LHCGR: variants seen among roughly 807,000 people sequenced by gnomAD.
The protein encoded by LHCGR is luteinizing hormone/choriogonadotropin receptor, also known as lutropin-choriogonadotropic hormone receptor.
Under a neutral mutation model 60.7 loss-of-function variants are expected in LHCGR, and 55 were observed. That is an observed-to-expected ratio of 0.91 (90% CI 0.73 to 1.13). LHCGR has a LOEUF of 1.13. Among genes scored for constraint, LHCGR ranks in the 50% most tolerant of loss-of-function variants. LHCGR has a pLI of 0.00. For missense variants in LHCGR, 862 were observed against 836.0 expected, an observed-to-expected ratio of 1.03 and a Z score of -0.38; for synonymous variants, 337 against 316.5, an observed-to-expected ratio of 1.06 and a Z score of -0.69.
At chr2:48,725,650 A>T (rs780452803) in intron 4 of LHCGR, 26 bp downstream of exon 4, 4 of 1,561,256 alleles carry the variant, frequency 2.6e-6, no homozygotes, top group Non-Finnish European at 3.5e-6. Flanking sequence ...CCCCTCCCCA[A>T]TTGCTTAAAA....
At chr2:48,700,830 T>C (rs191297169) in intron 8 of LHCGR, among the ~76,000 whole-genome samples, 109 of 152,182 alleles carry the variant, frequency 7.2e-4, no homozygotes, top group Middle Eastern at 3.4e-3. Context: ...ACAGAAGTTA[T>C]GGGGTTGAGT....
At chr2:48,708,911 A>C (rs1291069450) in intron 8 of LHCGR, 37 bp downstream of exon 8, 2 of 1,546,678 alleles carry the variant, frequency 1.3e-6, no homozygotes, top group East Asian at 4.5e-5. Context: ...GTTGGGGTAC[A>C]CTGGGCAGGG....
intron 1 of LHCGR, among the ~76,000 whole-genome samples, chr2:48,753,880 G>T (rs1670091408): frequency 1.3e-5 from 2 of 151,958 alleles, no homozygotes. Flanking sequence ...AATTTAAAAA[G>T]ATAATTAATA....
chr2:48,725,845 A>C, intron 3 of LHCGR, 95 bp from the exon 4 acceptor site: 1 of 1,042,234 alleles, frequency 9.6e-7, no homozygotes, highest in Non-Finnish European at 1.5e-6. Flanking sequence ...GCTGGCTGAA[A>C]ATGGCATCAG....
intron 6 of LHCGR, among the ~76,000 whole-genome samples, chr2:48,718,693 T>C (rs1668367924): frequency 6.6e-6 from 1 of 152,250 alleles, no homozygotes; most frequent in Admixed American, 6.5e-5. Flanking sequence ...CTTCCCTATG[T>C]GGAACTTTGC....
intron 5 of LHCGR, 24 bp downstream of exon 5, chr2:48,723,598 C>T: frequency 6.2e-7 from 1 of 1,605,806 alleles, no homozygotes. Context: ...AACTGTTATG[C>T]ATAGCAATCA....
chr2:48,728,525 G>A (rs985877418), intron 3 of LHCGR, among the ~76,000 whole-genome samples: 10 of 152,156 alleles, frequency 6.6e-5, no homozygotes, highest in Non-Finnish European at 1.5e-5. Context: ...GCACTAACTT[G>A]CGGTGTGATG....
chr2:48,716,259 C>A (rs937660405), intron 6 of LHCGR, among the ~76,000 whole-genome samples: 8 of 151,956 alleles, frequency 5.3e-5, no homozygotes, highest in Admixed American at 3.9e-4. Context: ...ACAGGCCTTT[C>A]TCAAATAACT....
chr2:48,725,343 A>C (rs1394898929), intron 4 of LHCGR, among the ~76,000 whole-genome samples: 2 of 152,116 alleles, frequency 1.3e-5, no homozygotes, highest in Non-Finnish European at 2.9e-5. Flanking sequence ...CTCTCTATTC[A>C]CTTCAGAGAT....
At chr2:48,746,844 A>G in intron 1 of LHCGR, among the ~76,000 whole-genome samples, 1 of 152,246 alleles carries the variant, frequency 6.6e-6, no homozygotes, top group Non-Finnish European at 1.5e-5. Context: ...ACTCTGGTAA[A>G]TAAAACTACA....
At chr2:48,743,726 C>T (rs2103699796) in intron 1 of LHCGR, among the ~76,000 whole-genome samples, 2 of 151,980 alleles carry the variant, frequency 1.3e-5, no homozygotes, top group South Asian at 2.1e-4. Context: ...GACAAACCCA[C>T]AGCCAATATC....
chr2:48,709,372 C>A (rs530084038), intron 7 of LHCGR, among the ~76,000 whole-genome samples: 1 of 152,170 alleles, frequency 6.6e-6, no homozygotes, highest in Non-Finnish European at 1.5e-5. Context: ...CAAGACTGAA[C>A]GGCTGAAGTG....
intron 1 of LHCGR, among the ~76,000 whole-genome samples, chr2:48,737,557 T>A (rs1223064274): frequency 1.3e-5 from 2 of 152,230 alleles, no homozygotes; most frequent in Non-Finnish European, 2.9e-5. Context: ...TCTTTTGAAA[T>A]GATTTTAAAT....
chr2:48,688,902 A>C lies in LHCGR; in HGVS notation c.948-53T>G. 3.3e-6 allele frequency: 5 copies of C among 1,523,578 alleles called. No homozygotes were observed. The highest frequency in any genetic ancestry group is 1.1e-5 in the South Asian group (1 of 88,546). 94.4% of individuals were successfully genotyped at this position (1,523,578 alleles called of 1,614,324 possible). Reference sequence around the variant, plus strand: ...AAGGGATTTTCTCTGAGTATTAAAAAATTCAAGAATTATGTTTCTTTAAAG... The same window carrying C: ...AAGGGATTTTCTCTGAGTATTAAAACATTCAAGAATTATGTTTCTTTAAAG... On this transcript the variant is annotated intron_variant, in intron 10 of 10. Transcript: ENST00000294954. This position sits in a 1 kb window ranked among gnomAD's most constrained non-coding sequence, Gnocchi z 5.2.
intron 6 of LHCGR, among the ~76,000 whole-genome samples, chr2:48,714,958 G>C (rs571125507): frequency 2.0e-3 from 303 of 152,270 alleles, no homozygotes; most frequent in Middle Eastern, 3.4e-3. Context: ...ACTAGGATAT[G>C]CTTTGTCTGG....
intron 7 of LHCGR, among the ~76,000 whole-genome samples, chr2:48,711,633 C>A (rs1667993166): frequency 6.6e-6 from 1 of 152,184 alleles, no homozygotes; most frequent in South Asian, 2.1e-4. Flanking sequence ...TTTTTCCTGA[C>A]CTCACACAGA....
At chr2:48,733,992 C>A (rs1669112813) in intron 1 of LHCGR, among the ~76,000 whole-genome samples, 1 of 152,132 alleles carries the variant, frequency 6.6e-6, no homozygotes, top group African/African-American at 2.4e-5. Flanking sequence ...ATCTTAATAA[C>A]CCTGCAATTC....
At chr2:48,704,260 GC>G (rs1667553185) in intron 8 of LHCGR, among the ~76,000 whole-genome samples, 1 of 152,176 alleles carries the variant, frequency 6.6e-6, no homozygotes, top group African/African-American at 2.4e-5. Context: ...TGGTGGATAA[GC>G]TTTTTCATGT....
intron 1 of LHCGR, among the ~76,000 whole-genome samples, chr2:48,737,074 C>G (rs1359995832): frequency 6.6e-6 from 1 of 152,176 alleles, no homozygotes; most frequent in Non-Finnish European, 1.5e-5. Flanking sequence ...AAATGCAGCA[C>G]CAATCTGGAG....
Sources: allele counts gnomAD v4.1 joint callset (sites outside exome capture counted in the v4.1 genomes callset), GRCh38; gene constraint gnomAD v4.1.1; non-coding constraint Gnocchi (gnomAD v3.1); transcripts MANE v1.5; gene names NCBI Gene and HGNC (gene_info 2026-07-23, HGNC 2026-07-21).